The following CASZ1 variants were observed in gnomAD, a reference collection of about 807,000 sequenced individuals.
CASZ1 encodes castor zinc finger 1.
Under a neutral mutation model 135.2 loss-of-function variants are expected in CASZ1, and 28 were observed. The ratio of observed to expected loss-of-function variants is 0.21; its 90% CI spans 0.15 to 0.28. The LOEUF (loss-of-function observed/expected upper bound fraction) is 0.28, where lower values mean the gene tolerates loss of function less well. Among genes scored for constraint, CASZ1 ranks in the 10% least tolerant of loss-of-function variants. CASZ1 has a pLI of 1.00. For synonymous variants in CASZ1, 1,068 were observed against 1,073.4 expected, an observed-to-expected ratio of 0.99 and a Z score of 0.10; for missense variants, 2,161 against 2,453.3, an observed-to-expected ratio of 0.88 and a Z score of 2.52.
chr1:10,690,377 C>G (rs1325837481), intron 4 of CASZ1, among the ~76,000 whole-genome samples: 1 of 152,194 alleles, frequency 6.6e-6, no homozygotes, highest in Non-Finnish European at 1.5e-5. Flanking sequence ...GCTCTCTCAG[C>G]TTAGACACCG....
intron 2 of CASZ1, among the ~76,000 whole-genome samples, chr1:10,750,274 TTTC>T (rs1420434386): frequency 3.3e-5 from 5 of 152,056 alleles, no homozygotes; most frequent in South Asian, 2.1e-4. Flanking sequence ...TTTCTTTTCT[TTTC>T]TTCTTCTACT....
intron 2 of CASZ1, among the ~76,000 whole-genome samples, chr1:10,740,115 C>T (rs1457197017): frequency 6.6e-6 from 1 of 152,234 alleles, no homozygotes; most frequent in Non-Finnish European, 1.5e-5. Flanking sequence ...TCACTCACTC[C>T]TCTCTGCAAC....
chr1:10,767,492 C>T lies in CASZ1; in HGVS notation c.-233-6635G>A, dbSNP rs1640497746. 6.6e-6 allele frequency among the ~76,000 whole-genome samples: 1 copy of T among 152,190 alleles called. No individual in the cohort carries two copies. Among genetic ancestry groups the T allele is most frequent in the South Asian group, 2.1e-4 (1 of 4,830 alleles). On this transcript the variant is annotated intron_variant, in intron 1 of 20. Coordinates refer to ENST00000377022, the MANE Select transcript of CASZ1 (RefSeq NM_001079843.3). The surrounding 1 kb of genome is among the most constrained non-coding windows in gnomAD (Gnocchi z 4.2). ...AGCACAGGCTTCCCCTATTGCAAAG[C>T]CAGGCCCAGGGAGGCCGGGAAGCAG...
Position 10,709,092 on chromosome 1 carries a change from C to T in CASZ1, c.-76-3548G>A, listed in dbSNP as rs1276022152. 6.6e-6 allele frequency among the ~76,000 whole-genome samples: 1 copy of T among 152,116 alleles called. No homozygotes were observed. The highest frequency in any genetic ancestry group is 1.5e-5 in the Non-Finnish European group (1 of 68,002). On this transcript the variant is annotated intron_variant, in intron 2 of 20. Transcript: ENST00000377022. This position sits in a 1 kb window ranked among gnomAD's most constrained non-coding sequence, Gnocchi z 5.1. ...GACCTGAAGGGGCCTCCTCCATCTG[C>T]AGTTCCCTCTTGCTGGAGCCGCTGC... is the stretch of plus-strand genomic sequence containing the variant.
In CASZ1 at chr1:10,774,993, G is replaced by A. The variant is rs1489591226; in HGVS notation, c.-233-14136C>T. Among the ~76,000 whole-genome samples, 1 of 151,980 alleles carries A rather than the reference G, an allele frequency of 6.6e-6. No individual in the cohort carries two copies. The highest frequency in any genetic ancestry group is 1.9e-4 in the East Asian group (1 of 5,190). ...ACACACACACAACACCCCAACAAGG[G>A]AGACAGAATACACCGAGAAAACCTC... On this transcript the variant is annotated intron_variant, in intron 1 of 20. Transcript: ENST00000377022. This position sits in a 1 kb window ranked among gnomAD's most constrained non-coding sequence, Gnocchi z 4.4.
At chr1:10,645,520 ACTGT>A (rs1371480690) in intron 17 of CASZ1, among the ~76,000 whole-genome samples, 1 of 152,132 alleles carries the variant, frequency 6.6e-6, no homozygotes, top group Non-Finnish European at 1.5e-5. Context: ...ACAGAGCGAG[ACTGT>A]CTCAAAAAAA....
At chr1:10,790,502 T>G (rs992571230) in intron 1 of CASZ1, among the ~76,000 whole-genome samples, 2 of 152,230 alleles carry the variant, frequency 1.3e-5, no homozygotes, top group Non-Finnish European at 2.9e-5. Context: ...ATCAAGAGGT[T>G]ACGGGCTCAA....
rs947860984 is a variant in CASZ1, at chr1:10,658,306, G to A, written c.1409+202C>T. The A allele has an allele frequency of 3.4e-5, 20 of 586,030 alleles. No homozygotes were observed. The African/African-American group carries it at 3.5e-4, about 10-fold the overall frequency. The allele number at this position is 586,030 out of a possible 1,614,324, so 36.3% of individuals were successfully genotyped here. On this transcript the variant is annotated intron_variant, in intron 7 of 20. Coordinates refer to ENST00000377022, the MANE Select transcript of CASZ1 (RefSeq NM_001079843.3). Reference sequence around the variant, plus strand: ...AGGCTGCTGAGGGAATGTGTGGCCTGGACTACACAGAGCGGAGGGAGGCTC... The same window carrying A: ...AGGCTGCTGAGGGAATGTGTGGCCTAGACTACACAGAGCGGAGGGAGGCTC...
Position 10,654,043 on chromosome 1 carries a change from G to A in CASZ1, c.2014C>T (p.Arg672Cys), listed in dbSNP as rs1457218575. The A allele has an allele frequency of 1.2e-6, 2 of 1,614,238 alleles. No individual in the cohort carries two copies. Among genetic ancestry groups the A allele is most frequent in the African/African-American group, 1.3e-5 (1 of 75,070 alleles). Residue 672 changes from arginine to cysteine, a missense_variant, in exon 11 of 21, where the codon CGC becomes TGC. By Grantham distance (180) the Arg-to-Cys change is radical (BLOSUM62 -3). Transcript: ENST00000377022. ...GTGAAGGTGAAGCCGCAGCCGGCGCGGATGCAGTGGAAGTGGTTGGTAGCC... is the reference window on the plus strand; with the variant it reads ...GTGAAGGTGAAGCCGCAGCCGGCGCAGATGCAGTGGAAGTGGTTGGTAGCC... ...SKATNHFHCIRAGCGFTFTST... is the reference protein window; with the variant it reads ...SKATNHFHCICAGCGFTFTST...
chr1:10,637,780 C>G lies in CASZ1; in HGVS notation c.*1162G>C, dbSNP rs1393073338. 6.6e-6 allele frequency: 1 copy of G among 151,908 alleles called. No homozygotes were observed. Among genetic ancestry groups the G allele is most frequent in the Non-Finnish European group, 1.5e-5 (1 of 67,978 alleles). The allele number at this position is 151,908 out of a possible 1,614,324, so 9.4% of individuals were successfully genotyped here. A position where few individuals can be genotyped will look rare whatever the true frequency, so the allele number is the denominator to read the frequency against. On this transcript the variant is annotated 3_prime_UTR_variant, in exon 21 of 21. Transcript: ENST00000377022. ...GGGAACCCAATCTGGGTAGACTGCA[C>G]CAGCGAAGAAGCATCCCAAACAAAG...
At chr1:10,693,734 G>A (rs1638839034) in intron 4 of CASZ1, 140 bp downstream of exon 4, 2 of 802,550 alleles carry the variant, frequency 2.5e-6, no homozygotes, top group Non-Finnish European at 4.3e-6. Context: ...CCCGAGGCCG[G>A]GACGCCGGGA....
intron 2 of CASZ1, among the ~76,000 whole-genome samples, chr1:10,733,247 A>G (rs961903673): frequency 2.6e-5 from 4 of 152,218 alleles, no homozygotes; most frequent in African/African-American, 9.6e-5. Flanking sequence ...TCCCCAGGAC[A>G]GGACCCAAAC....
At chr1:10,749,401 C>T (rs1194731651) in intron 2 of CASZ1, among the ~76,000 whole-genome samples, 1 of 152,146 alleles carries the variant, frequency 6.6e-6, no homozygotes, top group Non-Finnish European at 1.5e-5. Flanking sequence ...GCGTGTGCCA[C>T]CATGCACAGC....
In CASZ1 at chr1:10,639,242, G is replaced by C. The variant is rs1470309393; in HGVS notation, c.4980C>G (p.Arg1660=). ...CGGCGGCGGCGGCGGCGGCGCCCTC[G>C]CGCGGCCCGGGGGCGGCGGCGTCGG... ...GPPDAAAPGP[R]EGAAAAAAAA... is the part of the protein sequence containing the mutation. The change falls in exon 21 of 21, where the codon CGC becomes CGG. Residue 1660 remains arginine (R), a synonymous_variant. Coordinates refer to ENST00000377022, the MANE Select transcript of CASZ1 (RefSeq NM_001079843.3). The surrounding 1 kb of genome is among the most constrained non-coding windows in gnomAD (Gnocchi z 4.0). The C allele has an allele frequency of 1.1e-6, 1 of 927,276 alleles. No individual in the cohort carries two copies. The highest frequency in any genetic ancestry group is 6.4e-5 in the Admixed American group (1 of 15,638). 57.4% of individuals were successfully genotyped at this position (927,276 alleles called of 1,614,324 possible). A position where few individuals can be genotyped will look rare whatever the true frequency, so the allele number is the denominator to read the frequency against.
intron 2 of CASZ1, among the ~76,000 whole-genome samples, chr1:10,708,257 A>G (rs762734228): frequency 6.2e-4 from 95 of 152,340 alleles, no homozygotes; most frequent in Non-Finnish European, 9.4e-4. Context: ...TGTCCATGTG[A>G]AAAAGCAGGA....
chr1:10,747,121 A>G lies in CASZ1; in HGVS notation c.-77+13580T>C, dbSNP rs148046401. Among the ~76,000 whole-genome samples the G allele has an allele frequency of 1.1e-3, 169 of 152,344 alleles. 3 individuals carry two copies. In the East Asian group the frequency reaches 0.03, roughly 27 times the overall value. On this transcript the variant is annotated intron_variant, in intron 2 of 20. Coordinates refer to ENST00000377022, the MANE Select transcript of CASZ1 (RefSeq NM_001079843.3). This position sits in a 1 kb window ranked among gnomAD's most constrained non-coding sequence, Gnocchi z 4.3. ...AGTGCCATTCCCCTAACGCAAGGTA[A>G]GCACACACAGACCCTTTGCCCCAGG...
rs540736405 is a variant in CASZ1, at chr1:10,656,730, C to T, written c.1416G>A (p.Ser472=). The T allele has an allele frequency of 1.9e-5, 30 of 1,592,470 alleles. No individual in the cohort carries two copies. Among genetic ancestry groups the T allele is most frequent in the South Asian group, 6.9e-5 (6 of 87,330 alleles). Reference sequence around the variant, plus strand: ...GGATGTGGCCACAGTGCTGGCTGCCCGAGAACCTGGAGGGAGGAGGGGTGG... The same window carrying T: ...GGATGTGGCCACAGTGCTGGCTGCCTGAGAACCTGGAGGGAGGAGGGGTGG... ...NIYQKYIARF[S]GSQHCGHIHC... Residue 472 remains serine (S), a synonymous_variant, in exon 8 of 21, where the codon TCG becomes TCA. Transcript: ENST00000377022.
rs569039298 is a variant in CASZ1 at position 10,706,872 on chromosome 1, C to G, written c.-76-1328G>C. 2.1e-3 allele frequency among the ~76,000 whole-genome samples: 314 copies of G among 148,818 alleles called. 1 individual carries two copies. The highest frequency in any genetic ancestry group is 7.6e-3 in the African/African-American group (306 of 40,224). ...GCGGGGGGGTCTGCAGAGAGCTGGG[C>G]GGACCCCTGAGACAGGGGGCGGTAG... On this transcript the variant is annotated intron_variant, in intron 2 of 20. Transcript: ENST00000377022. The surrounding 1 kb of genome is among the most constrained non-coding windows in gnomAD (Gnocchi z 4.3).
At chr1:10,673,912 A>G (rs1312370059) in intron 4 of CASZ1, among the ~76,000 whole-genome samples, 2 of 152,282 alleles carry the variant, frequency 1.3e-5, no homozygotes, top group Non-Finnish European at 2.9e-5. Flanking sequence ...CCCTCTCTGG[A>G]TGGCCTGTAC....
Sources: gnomAD v4.1 joint callset for allele counts (sites outside exome capture counted in the v4.1 genomes callset) on GRCh38, gnomAD v4.1.1 for gene constraint, Gnocchi (gnomAD v3.1) non-coding constraint, MANE v1.5 for transcripts, NCBI Gene and HGNC (gene_info 2026-07-23, HGNC 2026-07-21) for gene names.